The following ACOT13 variants were observed in gnomAD, a reference collection of about 807,000 sequenced individuals.
ACOT13 encodes acyl-coenzyme A thioesterase 13.
Under a neutral mutation model 11.8 loss-of-function variants are expected in ACOT13, and 10 were observed. The observed-to-expected ratio is 0.85, with a 90% CI of 0.53 to 1.44. ACOT13 has a LOEUF of 1.44. Ranked by LOEUF, ACOT13 falls within the 40% of genes most tolerant of loss-of-function variation. ACOT13 has a pLI of 0.00. For synonymous variants in ACOT13, 53 were observed against 61.0 expected, an observed-to-expected ratio of 0.87 and a Z score of 0.61; for missense variants, 172 against 174.1, an observed-to-expected ratio of 0.99 and a Z score of 0.07.
Position 24,702,893 on chromosome 6 carries a change from A to AG in ACOT13, c.*1279dup, listed in dbSNP as rs1232652475. The AG allele has an allele frequency of 1.3e-5, 2 of 152,130 alleles. No individual in the cohort carries two copies. The highest frequency in any genetic ancestry group is 4.8e-5 in the African/African-American group (2 of 41,380). The allele number at this position is 152,130 out of a possible 1,614,324, so 9.4% of individuals were successfully genotyped here. On this transcript the variant is annotated 3_prime_UTR_variant, in exon 3 of 3. Transcript: ENST00000230048. ...CAAGTTCACTTCTCAGAAGTCTCCA[A>AG]GTTCAGTTGACTGTGGCACTCTGAG...
chr6:24,684,855 A>G (rs191640253), intron 1 of ACOT13, among the ~76,000 whole-genome samples: 3 of 152,072 alleles, frequency 2.0e-5, no homozygotes, highest in Non-Finnish European at 2.9e-5. Flanking sequence ...TCTACAAAAA[A>G]TTAAAAATTT....
In ACOT13 at chr6:24,685,636, G is replaced by A. The variant is rs1030238006; in HGVS notation, c.82-12247G>A. Among the ~76,000 whole-genome samples the A allele has an allele frequency of 5.3e-5, 8 of 152,126 alleles. No individual in the cohort carries two copies. In the South Asian group the frequency reaches 1.7e-3, roughly 32 times the overall value. Reference sequence around the variant, plus strand: ...GCTGGGATTACAGGCGTAAGCCACCGCGCCCGGCCCTTTTACTGTACTTTT... The same window carrying A: ...GCTGGGATTACAGGCGTAAGCCACCACGCCCGGCCCTTTTACTGTACTTTT... On this transcript the variant is annotated intron_variant, in intron 1 of 2. Coordinates refer to ENST00000230048, the MANE Select transcript of ACOT13 (RefSeq NM_018473.4).
At position 24,668,536 on chromosome 6, in the gene ACOT13, C is replaced by T. The variant is rs182330516; in HGVS notation, c.81+1192C>T. Among the ~76,000 whole-genome samples, 90 of 152,298 alleles carry T rather than the reference C, an allele frequency of 5.9e-4. 1 individual carries two copies. The highest frequency in any genetic ancestry group is 2.0e-3 in the African/African-American group (82 of 41,566). ...ATGCCCCGCCAAAAGCAGGGATTTA[C>T]TGAAAATGAAAGGACACTCCTGTGT... On this transcript the variant is annotated intron_variant, in intron 1 of 2. Transcript: ENST00000230048.
At chr6:24,675,512 G>C (rs1438791479) in intron 1 of ACOT13, among the ~76,000 whole-genome samples, 1 of 152,184 alleles carries the variant, frequency 6.6e-6, no homozygotes, top group Admixed American at 6.5e-5. Flanking sequence ...GTATCTGTTG[G>C]CTGCATAAAT....
chr6:24,693,347 A>G (rs1778745502), intron 1 of ACOT13, among the ~76,000 whole-genome samples: 2 of 152,234 alleles, frequency 1.3e-5, no homozygotes, highest in African/African-American at 4.8e-5. Flanking sequence ...TTACTGAGCC[A>G]GAGACATACA....
chr6:24,684,009 C>T (rs772936489), intron 1 of ACOT13, among the ~76,000 whole-genome samples: 2 of 151,792 alleles, frequency 1.3e-5, no homozygotes, highest in African/African-American at 2.4e-5. Context: ...TGTTTTAATG[C>T]ATGCATGTCT....
Position 24,701,608 on chromosome 6 carries a change from G to C in ACOT13, c.416G>C (p.Gly139Ala). 1 of 1,608,904 alleles carries C rather than the reference G, an allele frequency of 6.2e-7. No individual in the cohort carries two copies. Among genetic ancestry groups the C allele is most frequent in the Non-Finnish European group, 8.5e-7 (1 of 1,176,968 alleles). Residue 139 changes from glycine (G) to alanine (A), a missense_variant, in exon 3 of 3, where the codon GGA becomes GCA. Gly to Ala is a moderately conservative substitution (Grantham distance 60). Transcript: ENST00000230048. ...IAQGRHTKHL[G>A]N ...CAAGGAAGACACACAAAACACCTGG[G>C]AAACTGAGAGAACAGCAGAATGACC...
At chr6:24,675,556 T>C (rs1050861356) in intron 1 of ACOT13, among the ~76,000 whole-genome samples, 11 of 152,214 alleles carry the variant, frequency 7.2e-5, no homozygotes, top group African/African-American at 2.7e-4. Flanking sequence ...TCATATCCTT[T>C]GCCCACTTTT....
intron 1 of ACOT13, among the ~76,000 whole-genome samples, chr6:24,678,512 T>C (rs532400046): frequency 3.3e-5 from 5 of 152,076 alleles, no homozygotes; most frequent in Non-Finnish European, 7.4e-5. Flanking sequence ...GGTACTGCCT[T>C]TGGTAGGGAA....
At chr6:24,697,756 C>G (rs1463406182) in intron 1 of ACOT13, 127 bp from the exon 2 acceptor site, 2 of 674,270 alleles carry the variant, frequency 3.0e-6, no homozygotes, top group Non-Finnish European at 4.7e-6. Flanking sequence ...CAGAGATTGG[C>G]AATTTACTTG....
At chr6:24,698,296 C>T (rs1325535024) in intron 2 of ACOT13, among the ~76,000 whole-genome samples, 2 of 152,138 alleles carry the variant, frequency 1.3e-5, no homozygotes, top group African/African-American at 4.8e-5. Context: ...TGATCCCAAA[C>T]ATTCAAAAGA....
chr6:24,683,563 C>G (rs1778587014), intron 1 of ACOT13, among the ~76,000 whole-genome samples: 1 of 150,648 alleles, frequency 6.6e-6, no homozygotes, highest in African/African-American at 2.5e-5. Flanking sequence ...GTTTATTTTG[C>G]CAAGGTTGGT....
Position 24,667,140 on chromosome 6 carries a change from A to T in ACOT13, c.-124A>T, listed in dbSNP as rs1028050259. On this transcript the variant is annotated 5_prime_UTR_variant, in exon 1 of 3. Coordinates refer to ENST00000230048, the MANE Select transcript of ACOT13 (RefSeq NM_018473.4). ...CTGACTCCCGGCCTCTTGCGCTCCT[A>T]GGGGCGGAGAAGGGTGCGGGCTCTT... is the stretch of plus-strand genomic sequence containing the variant. The T allele has an allele frequency of 2.9e-6, 3 of 1,046,834 alleles. No individual in the cohort carries two copies. In the African/African-American group the frequency reaches 4.8e-5, roughly 17 times the overall value. The allele number at this position is 1,046,834 out of a possible 1,614,324, so 64.8% of individuals were successfully genotyped here.
At chr6:24,680,390 G>A (rs1228181495) in intron 1 of ACOT13, among the ~76,000 whole-genome samples, 2 of 152,104 alleles carry the variant, frequency 1.3e-5, no homozygotes, top group African/African-American at 4.8e-5. Context: ...TCTTAAGGGC[G>A]TTTTTGCCTT....
rs186573159 is a variant in ACOT13 at position 24,703,116 on chromosome 6, A to T, written c.*1501A>T. On this transcript the variant is annotated 3_prime_UTR_variant, in exon 3 of 3. Transcript: ENST00000230048. The stretch of plus-strand genomic sequence containing the variant: ...CGTCTCAAACTCCTAGGCTCAAGCA[A>T]TCCTCCTGCCTTGGCCCCCCAAGTA... 54 of 152,488 alleles carry T rather than the reference A, an allele frequency of 3.5e-4. No individual in the cohort carries two copies. Among genetic ancestry groups the T allele is most frequent in the African/African-American group, 1.3e-3 (53 of 41,570 alleles). The allele number at this position is 152,488 out of a possible 1,614,324, so 9.4% of individuals were successfully genotyped here. A position where few individuals can be genotyped will look rare whatever the true frequency, so the allele number is the denominator to read the frequency against.
intron 2 of ACOT13, chr6:24,701,115 G>A (rs1033470252): frequency 1.2e-5 from 2 of 171,930 alleles, no homozygotes; most frequent in East Asian, 1.6e-4. Flanking sequence ...CAGACACCAA[G>A]TGATATTTCA....
chr6:24,668,304 C>T (rs17243136), intron 1 of ACOT13, among the ~76,000 whole-genome samples: 3,965 of 152,008 alleles, frequency 0.026, 65 homozygotes, highest in Non-Finnish European at 0.037. Flanking sequence ...CTGCAACCTC[C>T]GCCTCCTGGG....
chr6:24,691,414 C>T (rs1778715441), intron 1 of ACOT13, among the ~76,000 whole-genome samples: 1 of 151,982 alleles, frequency 6.6e-6, no homozygotes. Context: ...TTTAGTGGAG[C>T]AAATCAAACA....
chr6:24,697,701 ACTC>A (rs1199540011), intron 1 of ACOT13, among the ~76,000 whole-genome samples, 179 bp from the exon 2 acceptor site: 3 of 152,006 alleles, frequency 2.0e-5, no homozygotes, highest in Non-Finnish European at 4.4e-5. Context: ...TTCACTAAAC[ACTC>A]CTTTTTCTTT....
Sources: gnomAD v4.1 joint callset for allele counts (sites outside exome capture counted in the v4.1 genomes callset) on GRCh38, gnomAD v4.1.1 for gene constraint, MANE v1.5 for transcripts, NCBI Gene and HGNC (gene_info 2026-07-23, HGNC 2026-07-21) for gene names.